Variants in SUSD4 observed in about 807,000 individuals in gnomAD.
SUSD4 encodes sushi domain-containing protein 4.
Under a neutral mutation model 50.5 loss-of-function variants are expected in SUSD4, and 41 were observed. The ratio of observed to expected loss-of-function variants is 0.81; its 90% CI spans 0.63 to 1.05. The LOEUF is 1.05. Ranked by LOEUF, SUSD4 falls within the 50% of genes least tolerant of loss-of-function variation. The pLI, the probability that SUSD4 is intolerant of heterozygous loss-of-function variation, is 0.00. For synonymous variants in SUSD4, 257 were observed against 257.3 expected, an observed-to-expected ratio of 1.00 and a Z score of 0.01; for missense variants, 580 against 634.7, an observed-to-expected ratio of 0.91 and a Z score of 0.93.
intron 2 of SUSD4, among the ~76,000 whole-genome samples, chr1:223,336,010 A>T (rs1046913832): frequency 1.8e-4 from 26 of 146,018 alleles, no homozygotes; most frequent in Non-Finnish European, 2.7e-4. Context: ...AAAGTTGTTT[A>T]AAAAAAAAAA....
intron 3 of SUSD4, among the ~76,000 whole-genome samples, chr1:223,269,425 A>G (rs1234351675): frequency 6.6e-6 from 1 of 152,206 alleles, no homozygotes; most frequent in Non-Finnish European, 1.5e-5. Flanking sequence ...AAGAAGATCA[A>G]ATAAAATGAA....
In SUSD4 at chr1:223,313,899, C is replaced by T. The variant is rs559343692; in HGVS notation, c.149-21248G>A. 3.9e-5 allele frequency among the ~76,000 whole-genome samples: 6 copies of T among 152,212 alleles called. No individual in the cohort carries two copies. In the East Asian group the frequency reaches 1.2e-3, roughly 29 times the overall value. On this transcript the variant is annotated intron_variant, in intron 2 of 8. Transcript: ENST00000366878. ...ACATCAGCAAGTTACCCCATATGGT[C>T]TAAAAAGGAGAGGAACCCTCAGTTC...
At chr1:223,276,528 C>T (rs1396867715) in intron 3 of SUSD4, among the ~76,000 whole-genome samples, 1 of 152,236 alleles carries the variant, frequency 6.6e-6, no homozygotes, top group Non-Finnish European at 1.5e-5. Context: ...ACTTCTGTCA[C>T]TTATCTTTGC....
chr1:223,359,183 C>T (rs1325466307), intron 2 of SUSD4: 4 of 469,706 alleles, frequency 8.5e-6, no homozygotes, highest in African/African-American at 8.0e-5. Context: ...GCTCTCCACC[C>T]TTCAGTGGGT....
intron 5 of SUSD4, among the ~76,000 whole-genome samples, chr1:223,244,118 A>C (rs945287362): frequency 6.6e-6 from 1 of 152,314 alleles, no homozygotes; most frequent in Non-Finnish European, 1.5e-5. Context: ...AATCTCACAC[A>C]CACAGGAGTT....
At chr1:223,236,937 G>A (rs2103014678) in intron 5 of SUSD4, among the ~76,000 whole-genome samples, 1 of 152,164 alleles carries the variant, frequency 6.6e-6, no homozygotes, top group East Asian at 1.9e-4. Flanking sequence ...AGAGCAAGTT[G>A]GGAAGAACGA....
At chr1:223,317,851 CTTTTT>C (rs1172641015) in intron 2 of SUSD4, among the ~76,000 whole-genome samples, 1 of 100,734 alleles carries the variant, frequency 9.9e-6, no homozygotes, top group Non-Finnish European at 1.9e-5. Context: ...TTTTTTTTTT[CTTTTT>C]TTTTTTTTTT....
chr1:223,358,620 A>G (rs1427147752), intron 2 of SUSD4, among the ~76,000 whole-genome samples: 2 of 152,214 alleles, frequency 1.3e-5, no homozygotes, highest in Non-Finnish European at 2.9e-5. Flanking sequence ...TACATTTTTC[A>G]TTACATTCAA....
At chr1:223,294,297 A>T (rs1664686156) in intron 2 of SUSD4, among the ~76,000 whole-genome samples, 2 of 152,166 alleles carry the variant, frequency 1.3e-5, no homozygotes, top group Admixed American at 1.3e-4. Context: ...CTCAACCCAG[A>T]CCTAGGAGAC....
At chr1:223,290,014 A>T (rs1240965904) in intron 3 of SUSD4, among the ~76,000 whole-genome samples, 2 of 152,222 alleles carry the variant, frequency 1.3e-5, no homozygotes, top group African/African-American at 4.8e-5. Flanking sequence ...GACTCATCTT[A>T]TAGAATTGTT....
chr1:223,306,964 G>T (rs1254883875), intron 2 of SUSD4, among the ~76,000 whole-genome samples: 2 of 149,144 alleles, frequency 1.3e-5, no homozygotes, highest in Non-Finnish European at 1.5e-5. Flanking sequence ...TTTTTTTTTG[G>T]GGGGGGGTGT....
chr1:223,225,677 C>T (rs536433001), intron 7 of SUSD4, among the ~76,000 whole-genome samples: 1 of 152,358 alleles, frequency 6.6e-6, no homozygotes, highest in East Asian at 1.9e-4. Context: ...TCCCTGCCTC[C>T]TCACCATCCC....
chr1:223,233,308 T>C (rs1571845009), intron 5 of SUSD4, among the ~76,000 whole-genome samples: 1 of 152,310 alleles, frequency 6.6e-6, no homozygotes, highest in African/African-American at 2.4e-5. Context: ...GGAAACCCCA[T>C]GTGGTGTGGT....
At chr1:223,352,853 T>C (rs1271334102) in intron 2 of SUSD4, among the ~76,000 whole-genome samples, 1 of 152,112 alleles carries the variant, frequency 6.6e-6, no homozygotes, top group East Asian at 1.9e-4. Flanking sequence ...GAACTCACCA[T>C]GCCCGCACAC....
Position 223,264,622 on chromosome 1 carries a change from T to G in SUSD4, c.724+8A>C. The G allele has an allele frequency of 6.2e-7, 1 of 1,613,620 alleles. No individual in the cohort carries two copies. Among genetic ancestry groups the G allele is most frequent in the Admixed American group, 1.7e-5 (1 of 59,990 alleles). ...AAATACAACTTCCGAAAGAATGAGA[T>G]GTGTTACCTTCCAGAGCAAGGCACC... is the stretch of plus-strand genomic sequence containing the variant. On this transcript the variant is annotated splice_region_variant and intron_variant, in intron 5 of 8. Coordinates refer to ENST00000366878, the MANE Select transcript of SUSD4 (RefSeq NM_017982.4).
chr1:223,318,513 G>A (rs1271849245), intron 2 of SUSD4, among the ~76,000 whole-genome samples: 2 of 119,980 alleles, frequency 1.7e-5, no homozygotes, highest in African/African-American at 6.5e-5. Context: ...ATCCTCTCCA[G>A]CACCTGTTGT....
At chr1:223,284,293 A>G (rs1165989229) in intron 3 of SUSD4, among the ~76,000 whole-genome samples, 1 of 152,184 alleles carries the variant, frequency 6.6e-6, no homozygotes, top group Non-Finnish European at 1.5e-5. Context: ...TCCAACCCTA[A>G]TTGGGTATGG....
chr1:223,252,219 T>TAAA (rs68004270), intron 5 of SUSD4, among the ~76,000 whole-genome samples: 1 of 129,086 alleles, frequency 7.7e-6, no homozygotes, highest in Admixed American at 8.0e-5. Context: ...AAAGTATAAT[T>TAAA]AAAAAAAAAA....
At chr1:223,346,986 AT>A (rs1189094010) in intron 2 of SUSD4, among the ~76,000 whole-genome samples, 6 of 151,068 alleles carry the variant, frequency 4.0e-5, no homozygotes, top group African/African-American at 7.3e-5. Context: ...TTTCACAAAT[AT>A]TTTTTTTCAT....
Sources: allele counts gnomAD v4.1 joint callset (sites outside exome capture counted in the v4.1 genomes callset), GRCh38; gene constraint gnomAD v4.1.1; transcripts MANE v1.5; gene names NCBI Gene and HGNC (gene_info 2026-07-23, HGNC 2026-07-21).